PRR16: variants seen among roughly 807,000 people sequenced by gnomAD.
PRR16 encodes the protein protein Largen.
In PRR16, 6 loss-of-function variants were observed where a neutral mutation model predicts 18.2. That is an observed-to-expected ratio of 0.33 (90% confidence interval 0.18 to 0.65). The LOEUF (loss-of-function observed/expected upper bound fraction) is 0.65. Ranked by LOEUF, PRR16 falls within the 30% of genes least tolerant of loss-of-function variation. The pLI is 0.74. For synonymous variants in PRR16, 151 were observed against 147.8 expected, an observed-to-expected ratio of 1.02 and a Z score of -0.16; for missense variants, 412 against 376.6, an observed-to-expected ratio of 1.09 and a Z score of -0.78.
chr5:120,735,769 T>G, the PRR16 span, among the ~76,000 whole-genome samples: 1 of 152,166 alleles, frequency 6.6e-6, no homozygotes, highest in Non-Finnish European at 1.5e-5. Context: ...AAAAATTTCC[T>G]CCTATTCTGT....
chr5:120,786,279 A>G, the PRR16 span, among the ~76,000 whole-genome samples: 1 of 151,630 alleles, frequency 6.6e-6, no homozygotes, highest in Non-Finnish European at 1.5e-5. Flanking sequence ...GTTAACTTTC[A>G]AGTTTTATTT....
intron 1 of PRR16, among the ~76,000 whole-genome samples, chr5:120,534,432 T>C (rs564662363): frequency 9.1e-4 from 138 of 152,316 alleles, no homozygotes; most frequent in African/African-American, 2.6e-3. Flanking sequence ...CAGCACCTAA[T>C]AGAAATGCTC....
At chr5:120,571,621 G>A (rs1254094355) in intron 1 of PRR16, among the ~76,000 whole-genome samples, 1 of 152,094 alleles carries the variant, frequency 6.6e-6, no homozygotes, top group Non-Finnish European at 1.5e-5. Context: ...TAGAATGAAG[G>A]AGATCAGAGA....
chr5:120,640,730 A>C (rs1755394049), intron 1 of PRR16, among the ~76,000 whole-genome samples: 1 of 152,098 alleles, frequency 6.6e-6, no homozygotes, highest in African/African-American at 2.4e-5. Context: ...GGTACTGTCA[A>C]ATGACTTCAC....
intron 1 of PRR16, among the ~76,000 whole-genome samples, chr5:120,591,140 G>A (rs112329771): frequency 1.3e-3 from 195 of 152,034 alleles, no homozygotes; most frequent in African/African-American, 4.4e-3. Flanking sequence ...TTAGCCGGGT[G>A]TGGTGGTGGG....
At chr5:120,486,587 T>A (rs1233213358) in intron 1 of PRR16, among the ~76,000 whole-genome samples, 2 of 152,312 alleles carry the variant, frequency 1.3e-5, no homozygotes, top group African/African-American at 4.8e-5. Flanking sequence ...GTTCTCCCAT[T>A]CTGTAGGTTG....
At chr5:120,579,799 G>T (rs1400261374) in intron 1 of PRR16, among the ~76,000 whole-genome samples, 4 of 152,080 alleles carry the variant, frequency 2.6e-5, no homozygotes, top group Non-Finnish European at 4.4e-5. Flanking sequence ...AGTTTGATGG[G>T]AATAGCATTG....
intron 1 of PRR16, among the ~76,000 whole-genome samples, chr5:120,612,849 C>A (rs1240684678): frequency 6.6e-6 from 1 of 152,096 alleles, no homozygotes; most frequent in African/African-American, 2.4e-5. Context: ...ATTACTTGCA[C>A]AAATCATAAA....
At chr5:120,766,661 AATATAGCACAAGACCGTT>A in the PRR16 span, among the ~76,000 whole-genome samples, 3 of 151,980 alleles carry the variant, frequency 2.0e-5, no homozygotes, top group African/African-American at 7.2e-5. Flanking sequence ...TGTAATCCTC[AATATAGCACAAGACCGTT>A]ATTTTTCCAC....
intron 1 of PRR16, among the ~76,000 whole-genome samples, chr5:120,587,023 G>C (rs1247495147): frequency 4.6e-5 from 7 of 152,154 alleles, no homozygotes; most frequent in Admixed American, 3.9e-4. Context: ...CAGCCTTATT[G>C]CTGATGAGAA....
chr5:120,647,504 A>G (rs1755639990), intron 1 of PRR16, among the ~76,000 whole-genome samples: 1 of 152,050 alleles, frequency 6.6e-6, no homozygotes, highest in African/African-American at 2.4e-5. Context: ...ACAAAAAGTA[A>G]GGTTATTCAT....
intron 1 of PRR16, among the ~76,000 whole-genome samples, chr5:120,572,011 T>A (rs972778718): frequency 2.6e-5 from 4 of 152,138 alleles, no homozygotes; most frequent in African/African-American, 9.7e-5. Context: ...GTATCCAAAC[T>A]GTTTGCATGA....
At chr5:120,698,500 T>G in the PRR16 span, among the ~76,000 whole-genome samples, 3 of 98,264 alleles carry the variant, frequency 3.1e-5, no homozygotes, top group African/African-American at 7.9e-5. Flanking sequence ...CTGTGATGGC[T>G]TGGAGAAACA....
the PRR16 span, among the ~76,000 whole-genome samples, chr5:120,784,639 T>G: frequency 6.6e-6 from 1 of 152,044 alleles, no homozygotes; most frequent in Non-Finnish European, 1.5e-5. Context: ...GAGATCGGAG[T>G]AGACATTTCT....
At chr5:120,473,673 G>C (rs946530517) in intron 1 of PRR16, among the ~76,000 whole-genome samples, 1 of 152,150 alleles carries the variant, frequency 6.6e-6, no homozygotes, top group Non-Finnish European at 1.5e-5. Flanking sequence ...AACACCTACT[G>C]TACACCAGGC....
chr5:120,519,273 G>T (rs1476397820), intron 1 of PRR16, among the ~76,000 whole-genome samples: 1 of 151,954 alleles, frequency 6.6e-6, no homozygotes, highest in Non-Finnish European at 1.5e-5. Flanking sequence ...AATTGTATCA[G>T]TTACAATTTA....
chr5:120,700,293 C>T, the PRR16 span, among the ~76,000 whole-genome samples: 38 of 152,082 alleles, frequency 2.5e-4, no homozygotes, highest in African/African-American at 7.2e-5. Flanking sequence ...CGAGTGATAA[C>T]AGGCTTTAAA....
the PRR16 span, among the ~76,000 whole-genome samples, chr5:120,787,764 G>GT: frequency 1.3e-4 from 20 of 152,048 alleles, no homozygotes; most frequent in South Asian, 6.2e-4. Context: ...AATATGGAGC[G>GT]TAAGTACTTC....
chr5:120,658,060 C>T (rs886587473), intron 1 of PRR16: 1 of 151,450 alleles, frequency 6.6e-6, no homozygotes, highest in African/African-American at 2.4e-5. Flanking sequence ...TGTTGTTGTT[C>T]CCAGAGAGCT....
Sources: allele counts gnomAD v4.1 joint callset (sites outside exome capture counted in the v4.1 genomes callset), GRCh38; gene constraint gnomAD v4.1.1; transcripts MANE v1.5; gene names NCBI Gene and HGNC (gene_info 2026-07-23, HGNC 2026-07-21).